IL23R: variants seen among roughly 807,000 people sequenced by gnomAD.
IL23R encodes interleukin-23 receptor.
In IL23R, 34 loss-of-function variants were observed where a neutral mutation model predicts 56.9. The observed-to-expected ratio is 0.60, with a 90% CI of 0.45 to 0.80. The LOEUF is 0.80. Among genes scored for constraint, IL23R ranks in the 30% least tolerant of loss-of-function variants. The probability of loss-of-function intolerance (pLI) is 0.00; values close to 1 mark genes in which losing one functional copy is unlikely to be tolerated. For synonymous variants in IL23R, 230 were observed against 249.2 expected, an observed-to-expected ratio of 0.92 and a Z score of 0.73; for missense variants, 635 against 730.0, an observed-to-expected ratio of 0.87 and a Z score of 1.50.
chr1:67,225,561 G>C (rs1650558359), intron 7 of IL23R, among the ~76,000 whole-genome samples: 1 of 149,822 alleles, frequency 6.7e-6, no homozygotes, highest in African/African-American at 2.5e-5. Context: ...ACCCAGGCTA[G>C]AGTGTAGTGC....
At chr1:67,248,973 C>G (rs375697569) in intron 9 of IL23R, among the ~76,000 whole-genome samples, 12 of 152,206 alleles carry the variant, frequency 7.9e-5, no homozygotes, top group East Asian at 3.9e-4. Context: ...CTGCTTCAGC[C>G]CCCCCTCCAT....
At chr1:67,226,941 G>A (rs1650659665) in intron 7 of IL23R, among the ~76,000 whole-genome samples, 1 of 152,180 alleles carries the variant, frequency 6.6e-6, no homozygotes, top group African/African-American at 2.4e-5. Flanking sequence ...CAGGATATAG[G>A]ACTGTTGTCG....
intron 7 of IL23R, among the ~76,000 whole-genome samples, chr1:67,228,032 TTTCTTTCTTTC>T (rs1188424206): frequency 0.099 from 6,977 of 70,370 alleles, 1,466 homozygotes; most frequent in Admixed American, 0.14. Flanking sequence ...CTTTCTTTCT[TTTCTTTCTTTC>T]TCTTTCTTTC....
chr1:67,184,356 G>C (rs954910332), intron 4 of IL23R, among the ~76,000 whole-genome samples: 2 of 152,060 alleles, frequency 1.3e-5, no homozygotes, highest in Admixed American at 6.6e-5. Flanking sequence ...AATGAGCCTG[G>C]CCAACATGGT....
At chr1:67,192,113 A>C (rs1411039202) in intron 4 of IL23R, among the ~76,000 whole-genome samples, 4 of 152,214 alleles carry the variant, frequency 2.6e-5, no homozygotes, top group Non-Finnish European at 5.9e-5. Flanking sequence ...TTTTATTACC[A>C]AAAAGGAATA....
At chr1:67,212,984 C>G (rs1240639216) in intron 6 of IL23R, among the ~76,000 whole-genome samples, 1 of 152,114 alleles carries the variant, frequency 6.6e-6, no homozygotes, top group South Asian at 2.1e-4. Flanking sequence ...AGCGATTCTC[C>G]TGACTCAGCC....
rs1458988285 is a variant in IL23R, at chr1:67,195,642, G to A, written c.492-5095G>A. On this transcript the variant is annotated intron_variant, in intron 4 of 10. Coordinates refer to ENST00000347310, the MANE Select transcript of IL23R (RefSeq NM_144701.3). The stretch of plus-strand genomic sequence containing the variant: ...TCATAGTGATCTCACGCTGGTATGA[G>A]GAAAGAGGTAACACAGAAAAAATGC... Among the ~76,000 whole-genome samples, 3 of 152,030 alleles carry A rather than the reference G, an allele frequency of 2.0e-5. No individual in the cohort carries two copies. In the East Asian group the frequency reaches 5.8e-4, roughly 29 times the overall value.
At chr1:67,220,583 G>T in intron 7 of IL23R, among the ~76,000 whole-genome samples, 1 of 151,678 alleles carries the variant, frequency 6.6e-6, no homozygotes. Flanking sequence ...AAACCATCTG[G>T]GAGGCTGGGT....
At chr1:67,242,392 A>G (rs1312985243) in intron 9 of IL23R, among the ~76,000 whole-genome samples, 3 of 151,978 alleles carry the variant, frequency 2.0e-5, no homozygotes, top group African/African-American at 4.8e-5. Flanking sequence ...CACATAACAG[A>G]CCCCCTTTTC....
chr1:67,231,188 G>T (rs994234857), intron 7 of IL23R, among the ~76,000 whole-genome samples: 1 of 152,124 alleles, frequency 6.6e-6, no homozygotes, highest in Non-Finnish European at 1.5e-5. Context: ...CATCAAGATT[G>T]GCAAGCGCAA....
In IL23R at chr1:67,258,908, A is replaced by C; in HGVS notation, c.1670A>C (p.Glu557Ala). 1 of 1,614,044 alleles carries C rather than the reference A, an allele frequency of 6.2e-7. No individual in the cohort carries two copies. Among genetic ancestry groups the C allele is most frequent in the Non-Finnish European group, 8.5e-7 (1 of 1,179,976 alleles). The change falls in exon 11 of 11, where the codon GAA (glutamate) becomes GCA (alanine). Residue 557 changes from glutamate to alanine, a missense_variant. Coordinates refer to ENST00000347310, the MANE Select transcript of IL23R (RefSeq NM_144701.3). ...GELSLILNQG[E>A]CSSPDIQNSV... ...TTAAGCCTCATATTAAATCAAGGAG[A>C]ATGCAGTTCTCCTGACATACAAAAC...
chr1:67,181,216 C>G (rs1296527174), intron 3 of IL23R, among the ~76,000 whole-genome samples: 1 of 152,162 alleles, frequency 6.6e-6, no homozygotes, highest in African/African-American at 2.4e-5. Flanking sequence ...GGGGAAGTAT[C>G]CTGCAGAGTG....
chr1:67,208,586 A>G (rs1453642471), intron 6 of IL23R, among the ~76,000 whole-genome samples: 2 of 152,236 alleles, frequency 1.3e-5, no homozygotes, highest in African/African-American at 4.8e-5. Context: ...CAGCTTCCAC[A>G]TGGTGTTGAG....
upstream of IL23R, among the ~76,000 whole-genome samples, chr1:67,163,515 A>C (rs1322094574): frequency 3.3e-5 from 5 of 151,500 alleles, no homozygotes; most frequent in Non-Finnish European, 5.9e-5. Context: ...AAAGAAAAGA[A>C]AAAAGAAAAG....
chr1:67,143,133 C>T (rs1646653253), intron 1 of IL23R, among the ~76,000 whole-genome samples: 1 of 151,950 alleles, frequency 6.6e-6, no homozygotes, highest in African/African-American at 2.4e-5. Context: ...ATGTGCTCCC[C>T]AAAGAAAACT....
intron 4 of IL23R, among the ~76,000 whole-genome samples, chr1:67,200,405 T>C (rs1011528809): frequency 2.6e-5 from 4 of 151,506 alleles, no homozygotes; most frequent in African/African-American, 9.7e-5. Flanking sequence ...TTCTTTTTTT[T>C]TTTTTTGAGA....
chr1:67,186,140 CA>C (rs1647311137), intron 4 of IL23R, among the ~76,000 whole-genome samples: 1 of 152,086 alleles, frequency 6.6e-6, no homozygotes, highest in Non-Finnish European at 1.5e-5. Flanking sequence ...ATTGCTAAGT[CA>C]ACTTTAGGAA....
At chr1:67,264,920 T>A (rs1387868382), downstream of IL23R, among the ~76,000 whole-genome samples, 1 of 152,350 alleles carries the variant, frequency 6.6e-6, no homozygotes, top group Non-Finnish European at 1.5e-5. Context: ...AAAAGTATTC[T>A]GGGCTACTTT....
chr1:67,248,715 T>A (rs1306982694), intron 9 of IL23R, among the ~76,000 whole-genome samples: 1 of 152,150 alleles, frequency 6.6e-6, no homozygotes, highest in East Asian at 1.9e-4. Flanking sequence ...AAATTTCAGC[T>A]TTTTTGTGCT....
Sources: gnomAD v4.1 joint callset for allele counts (sites outside exome capture counted in the v4.1 genomes callset) on GRCh38, gnomAD v4.1.1 for gene constraint, MANE v1.5 for transcripts, NCBI Gene and HGNC (gene_info 2026-07-23, HGNC 2026-07-21) for gene names.